The following EFNA5 variants were observed in gnomAD, a reference collection of about 807,000 sequenced individuals.
EFNA5 encodes ephrin A5.
Under a neutral mutation model 22.9 loss-of-function variants are expected in EFNA5, and 5 were observed. The observed-to-expected ratio is 0.22, with a 90% CI of 0.11 to 0.46. EFNA5 has a LOEUF of 0.46. Among genes scored for constraint, EFNA5 ranks in the 20% least tolerant of loss-of-function variants. EFNA5 has a pLI of 0.99. For synonymous variants in EFNA5, 113 were observed against 112.2 expected (o/e 1.01, Z -0.04); for missense variants, 237 against 293.3 (o/e 0.81, Z 1.40).
intron 2 of EFNA5, among the ~76,000 whole-genome samples, chr5:107,413,344 C>T (rs966891333): frequency 6.6e-6 from 1 of 152,056 alleles, no homozygotes; most frequent in Admixed American, 6.6e-5. Context: ...CACTGTTGAC[C>T]TTTAATCATA....
chr5:107,634,739 G>T lies in EFNA5; in HGVS notation c.125+35750C>A. On this transcript the variant is annotated intron_variant, in intron 1 of 4. Transcript: ENST00000333274. ...AAAAATAATGACAGTATTTCAAATGGGAGAAGTTCAGATAACTGTCTCAAG... is the reference window on the plus strand; with the variant it reads ...AAAAATAATGACAGTATTTCAAATGTGAGAAGTTCAGATAACTGTCTCAAG... Among the ~76,000 whole-genome samples the T allele has an allele frequency of 1.6e-5, 2 of 122,356 alleles. 1 individual carries two copies. The highest frequency in any genetic ancestry group is 3.9e-5 in the Non-Finnish European group (2 of 51,434). 80.3% of individuals were successfully genotyped at this position (122,356 alleles called of 152,430 possible).
At position 107,403,050 on chromosome 5, in the gene EFNA5, G is replaced by C. The variant is rs80081624; in HGVS notation, c.419-15279C>G. 1.6e-3 allele frequency among the ~76,000 whole-genome samples: 243 copies of C among 152,318 alleles called. 4 individuals are homozygous for C. Among genetic ancestry groups the C allele is most frequent in the East Asian group, 0.012 (64 of 5,186 alleles). On this transcript the variant is annotated intron_variant, in intron 2 of 4. Coordinates refer to ENST00000333274, the MANE Select transcript of EFNA5 (RefSeq NM_001962.3). The stretch of plus-strand genomic sequence containing the variant: ...GCCAGCGTGCTGTGCCTCGCAGCAG[G>C]GGGGGAAGTGCCACAGCTGTGCCAG...
intron 1 of EFNA5, among the ~76,000 whole-genome samples, chr5:107,481,504 G>A (rs770592521): frequency 1.9e-4 from 29 of 152,204 alleles, no homozygotes; most frequent in Non-Finnish European, 2.9e-4. Flanking sequence ...TGGGAATGCT[G>A]ATGGTTGGCA....
At chr5:107,482,204 G>A (rs1419031303) in intron 1 of EFNA5, among the ~76,000 whole-genome samples, 3 of 151,610 alleles carry the variant, frequency 2.0e-5, no homozygotes, top group Non-Finnish European at 4.4e-5. Context: ...TATTGGAGAG[G>A]TTGAGGTGGG....
At chr5:107,655,439 G>A (rs1453244884) in intron 1 of EFNA5, among the ~76,000 whole-genome samples, 1 of 152,090 alleles carries the variant, frequency 6.6e-6, no homozygotes, top group Non-Finnish European at 1.5e-5. Context: ...AATCTGTTAT[G>A]CAGAGTTCAC....
intron 1 of EFNA5, among the ~76,000 whole-genome samples, chr5:107,513,921 A>AG (rs1170424490): frequency 1.3e-5 from 2 of 152,208 alleles, no homozygotes; most frequent in African/African-American, 4.8e-5. Flanking sequence ...GTTGCGAGGT[A>AG]GGCCTGGGTC....
chr5:107,523,555 G>A (rs1291245049), intron 1 of EFNA5, among the ~76,000 whole-genome samples: 2 of 152,204 alleles, frequency 1.3e-5, no homozygotes, highest in Non-Finnish European at 2.9e-5. Context: ...TAAGAAGGAA[G>A]ACAGTGGCAT....
At chr5:107,523,234 T>C (rs922144037) in intron 1 of EFNA5, among the ~76,000 whole-genome samples, 1 of 152,220 alleles carries the variant, frequency 6.6e-6, no homozygotes, top group Non-Finnish European at 1.5e-5. Context: ...ATCTTAGTAT[T>C]ATCCAGAGTT....
intron 1 of EFNA5, among the ~76,000 whole-genome samples, chr5:107,626,477 C>G (rs1750143536): frequency 6.6e-6 from 1 of 152,066 alleles, no homozygotes; most frequent in African/African-American, 2.4e-5. Context: ...GATGGGATAT[C>G]TCTATGTTGC....
chr5:107,581,034 AT>A (rs1442586687), intron 1 of EFNA5, among the ~76,000 whole-genome samples: 1 of 152,180 alleles, frequency 6.6e-6, no homozygotes, highest in Non-Finnish European at 1.5e-5. Context: ...TGAACAAGAA[AT>A]TTTTAAGATG....
chr5:107,571,090 T>C (rs1426684271), intron 1 of EFNA5, among the ~76,000 whole-genome samples: 1 of 152,176 alleles, frequency 6.6e-6, no homozygotes, highest in African/African-American at 2.4e-5. Flanking sequence ...GCCTGAGAAC[T>C]AATCCAAGAA....
At chr5:107,583,726 GA>G (rs1487187754) in intron 1 of EFNA5, among the ~76,000 whole-genome samples, 1 of 152,186 alleles carries the variant, frequency 6.6e-6, no homozygotes, top group East Asian at 1.9e-4. Flanking sequence ...AGACAGACAT[GA>G]AAACTGCTTA....
intron 1 of EFNA5, among the ~76,000 whole-genome samples, chr5:107,576,953 C>G (rs79633351): frequency 0.049 from 7,391 of 152,202 alleles, 218 homozygotes; most frequent in Middle Eastern, 0.088. Context: ...TATTTCCAGT[C>G]CCAAAACATG....
chr5:107,575,715 T>C (rs1015460075), intron 1 of EFNA5, among the ~76,000 whole-genome samples: 3 of 152,084 alleles, frequency 2.0e-5, no homozygotes, highest in African/African-American at 7.2e-5. Context: ...CATTCCACTA[T>C]GAGAATTGGG....
chr5:107,553,819 CATT>C lies in EFNA5; in HGVS notation c.125+116667_125+116669del, dbSNP rs201636190. On this transcript the variant is annotated intron_variant, in intron 1 of 4. Coordinates refer to ENST00000333274, the MANE Select transcript of EFNA5 (RefSeq NM_001962.3). ...ACATTTTTGGTCTAAATTATATACACATTATTATCATTCTGAGGGATTAGTTCT... is the reference window on the plus strand; with the variant it reads ...ACATTTTTGGTCTAAATTATATACACATTATCATTCTGAGGGATTAGTTCT... Among the ~76,000 whole-genome samples the C allele has an allele frequency of 8.5e-3, 1,291 of 152,170 alleles. 14 individuals carry two copies. Among genetic ancestry groups the C allele is most frequent in the African/African-American group, 0.028 (1,181 of 41,510 alleles).
intron 1 of EFNA5, among the ~76,000 whole-genome samples, chr5:107,473,146 G>A (rs1750189778): frequency 6.6e-6 from 1 of 152,068 alleles, no homozygotes; most frequent in East Asian, 1.9e-4. Context: ...GATGTTGGAA[G>A]TTGTAGCCTT....
intron 1 of EFNA5, among the ~76,000 whole-genome samples, chr5:107,603,082 A>T (rs1749638448): frequency 6.6e-6 from 1 of 152,206 alleles, no homozygotes; most frequent in Admixed American, 6.5e-5. Context: ...ACTTAGTCAA[A>T]TCACTTCTTG....
intron 2 of EFNA5, among the ~76,000 whole-genome samples, chr5:107,419,282 T>C (rs1748591471): frequency 6.6e-6 from 1 of 152,230 alleles, no homozygotes; most frequent in African/African-American, 2.4e-5. Flanking sequence ...AATTCATTCA[T>C]GCTTTCCTAA....
At chr5:107,383,790 A>G (rs139185391) in intron 4 of EFNA5, among the ~76,000 whole-genome samples, 104 of 152,344 alleles carry the variant, frequency 6.8e-4, no homozygotes, top group African/African-American at 2.5e-3. Context: ...CACTCAGCAC[A>G]AGACACAAGG....
Sources: allele counts gnomAD v4.1 joint callset (sites outside exome capture counted in the v4.1 genomes callset), GRCh38; gene constraint gnomAD v4.1.1; transcripts MANE v1.5; gene names NCBI Gene and HGNC (gene_info 2026-07-23, HGNC 2026-07-21).